The following ST6GALNAC3 variants were observed in gnomAD, a reference collection of about 807,000 sequenced individuals.
The protein encoded by ST6GALNAC3 is alpha-N-acetylgalactosaminide alpha-2,6-sialyltransferase 3.
ST6GALNAC3 carries 25 observed loss-of-function variants against 32.7 expected under a neutral mutation model. That is an observed-to-expected ratio of 0.76 (90% CI 0.56 to 1.07). The LOEUF (loss-of-function observed/expected upper bound fraction) is 1.07, where lower values mean the gene tolerates loss of function less well. Among genes scored for constraint, ST6GALNAC3 ranks in the 50% least tolerant of loss-of-function variants. The probability of loss-of-function intolerance (pLI) is 0.00; values close to 1 mark genes in which losing one functional copy is unlikely to be tolerated. For synonymous variants in ST6GALNAC3, 129 were observed against 133.1 expected (o/e 0.97, Z 0.21); for missense variants, 355 against 382.4 (o/e 0.93, Z 0.60).
chr1:76,310,842 C>A (rs1219337066), intron 1 of ST6GALNAC3, among the ~76,000 whole-genome samples: 2 of 152,136 alleles, frequency 1.3e-5, no homozygotes, highest in Non-Finnish European at 1.5e-5. Flanking sequence ...TTCAGCAGTC[C>A]TCCTTCTTGC....
chr1:76,161,085 G>A (rs638947), intron 1 of ST6GALNAC3, among the ~76,000 whole-genome samples: 106,443 of 152,060 alleles, frequency 0.7, 39,555 homozygotes, highest in East Asian at 0.94. Flanking sequence ...GAGATGGGCC[G>A]GTGACCTCTT....
chr1:76,132,879 G>A (rs933214245), intron 1 of ST6GALNAC3, among the ~76,000 whole-genome samples: 1 of 152,128 alleles, frequency 6.6e-6, no homozygotes, highest in Non-Finnish European at 1.5e-5. Flanking sequence ...ATACAGCCAG[G>A]TGTCAATGGC....
intron 3 of ST6GALNAC3, among the ~76,000 whole-genome samples, chr1:76,564,748 G>T (rs1254848876): frequency 6.6e-6 from 1 of 152,030 alleles, no homozygotes; most frequent in East Asian, 1.9e-4. Context: ...ACCACGCCTG[G>T]CTAATTTTTT....
chr1:76,356,049 A>G (rs1252592994), intron 2 of ST6GALNAC3, among the ~76,000 whole-genome samples: 1 of 152,136 alleles, frequency 6.6e-6, no homozygotes, highest in African/African-American at 2.4e-5. Context: ...CATTACATTA[A>G]CTATAATGTC....
At chr1:76,474,411 A>C (rs1017592997) in intron 3 of ST6GALNAC3, among the ~76,000 whole-genome samples, 1 of 152,108 alleles carries the variant, frequency 6.6e-6, no homozygotes, top group Non-Finnish European at 1.5e-5. Context: ...TCTGGGACAA[A>C]GGAGAAAGAG....
intron 1 of ST6GALNAC3, among the ~76,000 whole-genome samples, chr1:76,215,587 A>G (rs1391381333): frequency 1.3e-5 from 2 of 152,226 alleles, no homozygotes; most frequent in Non-Finnish European, 2.9e-5. Context: ...TACGTAGTCT[A>G]TTAAGTTACT....
At chr1:76,334,266 A>T (rs1570866301) in intron 2 of ST6GALNAC3, among the ~76,000 whole-genome samples, 1 of 152,214 alleles carries the variant, frequency 6.6e-6, no homozygotes, top group Admixed American at 6.5e-5. Flanking sequence ...TTGCTGTGTA[A>T]CTATATATGT....
intron 1 of ST6GALNAC3, among the ~76,000 whole-genome samples, chr1:76,175,383 C>T (rs763061541): frequency 1.6e-4 from 24 of 152,020 alleles, no homozygotes; most frequent in Non-Finnish European, 5.9e-5. Context: ...TTTTTATTTG[C>T]ATTTCTTTGG....
Position 76,416,034 on chromosome 1 carries a change from A to AACACACACACAC in ST6GALNAC3, c.623+3647_623+3658dup, listed in dbSNP as rs60710007. 4.6e-3 allele frequency among the ~76,000 whole-genome samples: 671 copies of AACACACACACAC among 144,416 alleles called. 3 individuals carry two copies. The highest frequency in any genetic ancestry group is 0.011 in the Middle Eastern group (3 of 280). The allele number at this position is 144,416 out of a possible 152,430, so 94.7% of individuals were successfully genotyped here. A position where few individuals can be genotyped will look rare whatever the true frequency, so the allele number is the denominator to read the frequency against. ...TAATTATTCATCTGCTTTATTCCACAACACACACACACACACACACACACA... is the reference window on the plus strand; with the variant it reads ...TAATTATTCATCTGCTTTATTCCACAACACACACACACACACACACACACACACACACACACA... On this transcript the variant is annotated intron_variant, in intron 3 of 4. Transcript: ENST00000328299.
chr1:76,393,450 A>G (rs954400554), intron 2 of ST6GALNAC3, among the ~76,000 whole-genome samples: 1 of 152,124 alleles, frequency 6.6e-6, no homozygotes, highest in Non-Finnish European at 1.5e-5. Flanking sequence ...TCATTATCCA[A>G]CCTACATAGA....
intron 3 of ST6GALNAC3, among the ~76,000 whole-genome samples, chr1:76,455,599 A>G (rs1198177660): frequency 6.6e-5 from 10 of 152,182 alleles, no homozygotes; most frequent in Non-Finnish European, 1.3e-4. Flanking sequence ...CTACAAGTTG[A>G]AAACCAATTC....
intron 3 of ST6GALNAC3, among the ~76,000 whole-genome samples, chr1:76,533,391 T>C (rs982387262): frequency 1.3e-5 from 2 of 152,154 alleles, no homozygotes; most frequent in Admixed American, 6.5e-5. Flanking sequence ...ACGTCCACAG[T>C]GTGGGTTCCC....
chr1:76,586,793 G>A (rs1646968458), intron 3 of ST6GALNAC3, among the ~76,000 whole-genome samples: 1 of 152,164 alleles, frequency 6.6e-6, no homozygotes, highest in Admixed American at 6.5e-5. Context: ...TCAGTGAACA[G>A]GAATAAAAAG....
At chr1:76,193,025 A>G (rs1653991385) in intron 1 of ST6GALNAC3, among the ~76,000 whole-genome samples, 1 of 152,232 alleles carries the variant, frequency 6.6e-6, no homozygotes, top group Non-Finnish European at 1.5e-5. Flanking sequence ...GGACATTTAT[A>G]TAAAAGCCAG....
chr1:76,427,024 A>G (rs1435649772), intron 3 of ST6GALNAC3, among the ~76,000 whole-genome samples: 1 of 152,080 alleles, frequency 6.6e-6, no homozygotes, highest in Non-Finnish European at 1.5e-5. Flanking sequence ...GGGTAAATAA[A>G]TGATTACTGT....
At chr1:76,616,236 A>G (rs1193253289) in intron 3 of ST6GALNAC3, among the ~76,000 whole-genome samples, 1 of 152,250 alleles carries the variant, frequency 6.6e-6, no homozygotes, top group Non-Finnish European at 1.5e-5. Context: ...AGTTTAACTC[A>G]GTTAGAAAAT....
rs575241892 is a variant in ST6GALNAC3, at chr1:76,368,391, C to G, written c.214-43617C>G. On this transcript the variant is annotated intron_variant, in intron 2 of 4. Transcript: ENST00000328299. ...GTTTCATGAAACATTCCTCCTTCAT[C>G]TCTCTGCCTAGCTAGATTTTAGTAA... Among the ~76,000 whole-genome samples the G allele has an allele frequency of 7.3e-4, 111 of 152,184 alleles. 1 individual carries two copies. In the South Asian group the frequency reaches 0.012, roughly 16 times the overall value.
chr1:76,384,363 A>G (rs1389415355), intron 2 of ST6GALNAC3, among the ~76,000 whole-genome samples: 5 of 152,152 alleles, frequency 3.3e-5, no homozygotes, highest in African/African-American at 9.6e-5. Flanking sequence ...AAAGATATGC[A>G]TTTAGTAGCA....
At chr1:76,140,585 A>C (rs1331468863) in intron 1 of ST6GALNAC3, among the ~76,000 whole-genome samples, 1 of 150,978 alleles carries the variant, frequency 6.6e-6, no homozygotes, top group Non-Finnish European at 1.5e-5. Context: ...GAACAGTAAA[A>C]ACCTCAAAGA....
Sources: gnomAD v4.1 joint callset for allele counts (sites outside exome capture counted in the v4.1 genomes callset) on GRCh38, gnomAD v4.1.1 for gene constraint, MANE v1.5 for transcripts, NCBI Gene and HGNC (gene_info 2026-07-23, HGNC 2026-07-21) for gene names.